RAB11A: variants seen among roughly 807,000 people sequenced by gnomAD.
The protein encoded by RAB11A is RAB11A, member RAS oncogene family, also known as ras-related protein Rab-11A.
In RAB11A, 9 loss-of-function variants were observed where a neutral mutation model predicts 28.0. The ratio of observed to expected loss-of-function variants is 0.32; its 90% confidence interval spans 0.19 to 0.56. RAB11A has a LOEUF of 0.56. Among genes scored for constraint, RAB11A ranks in the 20% least tolerant of loss-of-function variants. The pLI, the probability that RAB11A is intolerant of heterozygous loss-of-function variation, is 0.91. For synonymous variants in RAB11A, 85 were observed against 88.2 expected (o/e 0.96, Z 0.20); for missense variants, 108 against 269.6 (o/e 0.40, Z 4.20).
At chr15:65,886,310 A>G (rs1460027784) in intron 4 of RAB11A, among the ~76,000 whole-genome samples, 2 of 152,216 alleles carry the variant, frequency 1.3e-5, no homozygotes, top group African/African-American at 4.8e-5. Context: ...TTTAAATTTT[A>G]TTTAATTAAA....
Position 65,877,570 on chromosome 15 carries a change from C to T in RAB11A, c.236+43C>T, listed in dbSNP as rs147220650. On this transcript the variant is annotated intron_variant, in intron 2 of 4. Transcript: ENST00000261890. This position sits in a 1 kb window ranked among gnomAD's most constrained non-coding sequence, Gnocchi z 4.1. The stretch of plus-strand genomic sequence containing the variant: ...TAAGTTCTGTGAAATGGGTTGCCAT[C>T]GAGTGAATTAGCTGACTTTTGGTAT... 450 of 1,558,516 alleles carry T rather than the reference C, an allele frequency of 2.9e-4. 2 individuals carry two copies. The African/African-American group carries it at 5.3e-3, about 18-fold the overall frequency.
chr15:65,886,532 G>C (rs1276704811), intron 4 of RAB11A, among the ~76,000 whole-genome samples: 1 of 152,078 alleles, frequency 6.6e-6, no homozygotes, highest in Non-Finnish European at 1.5e-5. Context: ...GAATTATCTT[G>C]CTTTTTGAGA....
Position 65,869,572 on chromosome 15 carries a change from T to A in RAB11A, c.-14T>A, listed in dbSNP as rs1195767218. 6.2e-7 allele frequency: 1 copy of A among 1,610,208 alleles called. No homozygotes were observed. Among genetic ancestry groups the A allele is most frequent in the Non-Finnish European group, 8.5e-7 (1 of 1,179,792 alleles). On this transcript the variant is annotated 5_prime_UTR_variant, in exon 1 of 5. Coordinates refer to ENST00000261890, the MANE Select transcript of RAB11A (RefSeq NM_004663.5). ...ACCACTGCTGCTCCCGCCCTTTCGC[T>A]CCTCGGCCGCGCAATGGGCACCCGC...
Position 65,887,646 on chromosome 15 carries a change from C to G in RAB11A, c.512-55C>G, listed in dbSNP as rs151185221. On this transcript the variant is annotated intron_variant, in intron 4 of 4. Coordinates refer to ENST00000261890, the MANE Select transcript of RAB11A (RefSeq NM_004663.5). ...TCTCCTACCTTTATGTATCTTTTAT[C>G]CTAACTATGATAGGTTTATTCACAC... The G allele has an allele frequency of 1.5e-4, 217 of 1,489,784 alleles. No homozygotes were observed. The African/African-American group carries it at 2.9e-3, about 20-fold the overall frequency. The allele number at this position is 1,489,784 out of a possible 1,614,324, so 92.3% of individuals were successfully genotyped here. A position where few individuals can be genotyped will look rare whatever the true frequency, so the allele number is the denominator to read the frequency against.
At position 65,870,729 on chromosome 15, in the gene RAB11A, G is replaced by A. The variant is rs189369511; in HGVS notation, c.40+1104G>A. Among the ~76,000 whole-genome samples, 13 of 152,344 alleles carry A rather than the reference G, an allele frequency of 8.5e-5. No homozygotes were observed. In the East Asian group the frequency reaches 2.5e-3, roughly 29 times the overall value. ...TTTCCCAAAAGGTTGGGGGTGGGAGGAAGTTGTGTGCTCTTTTGGTTACAT... is the reference window on the plus strand; with the variant it reads ...TTTCCCAAAAGGTTGGGGGTGGGAGAAAGTTGTGTGCTCTTTTGGTTACAT... On this transcript the variant is annotated intron_variant, in intron 1 of 4. Transcript: ENST00000261890.
intron 1 of RAB11A, among the ~76,000 whole-genome samples, chr15:65,875,008 G>A (rs938889955): frequency 2.6e-5 from 4 of 152,030 alleles, no homozygotes; most frequent in African/African-American, 4.8e-5. Flanking sequence ...TGCTTGTGCC[G>A]TGGCACTCCA....
At chr15:65,885,032 C>CCTCACTG (rs2078247081) in intron 4 of RAB11A, among the ~76,000 whole-genome samples, 1 of 147,672 alleles carries the variant, frequency 6.8e-6, no homozygotes, top group Non-Finnish European at 1.5e-5. Flanking sequence ...GCAGTCTCAA[C>CCTCACTG]CTCACTGCTC....
chr15:65,875,945 G>A (rs1253025958), intron 1 of RAB11A, among the ~76,000 whole-genome samples: 2 of 152,208 alleles, frequency 1.3e-5, no homozygotes, highest in Admixed American at 6.5e-5. Flanking sequence ...ATAAGAAGAA[G>A]TCTTAGTAGT....
Position 65,888,836 on chromosome 15 carries a change from T to C in RAB11A, c.*996T>C, listed in dbSNP as rs1346211212. ...TTTTGCAGTATATTATAGAATATAG[T>C]CCAGTTAAATCTTTGGTTTCAGTAT... is the stretch of plus-strand genomic sequence containing the variant. On this transcript the variant is annotated 3_prime_UTR_variant, in exon 5 of 5. Coordinates refer to ENST00000261890, the MANE Select transcript of RAB11A (RefSeq NM_004663.5). The C allele has an allele frequency of 6.6e-6, 1 of 152,512 alleles. No homozygotes were observed. The highest frequency in any genetic ancestry group is 6.5e-5 in the Admixed American group (1 of 15,280). 9.4% of individuals were successfully genotyped at this position (152,512 alleles called of 1,614,324 possible).
In RAB11A at chr15:65,869,494, T is replaced by G; in HGVS notation, c.-92T>G. The G allele has an allele frequency of 2.0e-6, 3 of 1,533,446 alleles. No individual in the cohort carries two copies. The highest frequency in any genetic ancestry group is 2.4e-5 in the South Asian group (2 of 83,428). The allele number at this position is 1,533,446 out of a possible 1,614,324, so 95.0% of individuals were successfully genotyped here. On this transcript the variant is annotated 5_prime_UTR_variant, in exon 1 of 5. Coordinates refer to ENST00000261890, the MANE Select transcript of RAB11A (RefSeq NM_004663.5). The stretch of plus-strand genomic sequence containing the variant: ...GGGGCTCTTCACCCAGTCCGGCAGT[T>G]GAAGCTCGGCGCTCGGGTTACCCCT...
rs946950756 is a variant in RAB11A, at chr15:65,888,947, G to A, written c.*1107G>A. ...TTCTTTTAGTATGTAAAATGAAATA[G>A]TACCTTGAGTTTAAATAGAATGCAT... On this transcript the variant is annotated 3_prime_UTR_variant, in exon 5 of 5. Coordinates refer to ENST00000261890, the MANE Select transcript of RAB11A (RefSeq NM_004663.5). 10 of 152,622 alleles carry A rather than the reference G, an allele frequency of 6.6e-5. No homozygotes were observed. Among genetic ancestry groups the A allele is most frequent in the Admixed American group, 6.5e-4 (10 of 15,280 alleles). 9.5% of individuals were successfully genotyped at this position (152,622 alleles called of 1,614,324 possible). A position where few individuals can be genotyped will look rare whatever the true frequency, so the allele number is the denominator to read the frequency against.
Position 65,877,511 on chromosome 15 carries a change from C to T in RAB11A, c.220C>T (p.Arg74Ter). 2.5e-6 allele frequency: 4 copies of T among 1,613,966 alleles called. No individual in the cohort carries two copies. Among genetic ancestry groups the T allele is most frequent in the East Asian group, 2.2e-5 (1 of 44,882 alleles). Residue 74 changes from arginine (R) to a stop codon, truncating the protein, a stop_gained, in exon 2 of 5, where the codon CGA becomes TGA. Coordinates refer to ENST00000261890, the MANE Select transcript of RAB11A (RefSeq NM_004663.5). LOFTEE classifies it high-confidence loss of function. This position sits in a 1 kb window ranked among gnomAD's most constrained non-coding sequence, Gnocchi z 4.1. ...GGACACAGCAGGGCAAGAGCGATAT[C>T]GAGCTATAACATCAGCGTAAGTCTC... Reference protein sequence around the residue: ...IWDTAGQERYRAITSAYYRGA... With the variant: ...IWDTAGQERY
chr15:65,869,984 C>A (rs1452205834), intron 1 of RAB11A: 6 of 208,428 alleles, frequency 2.9e-5, no homozygotes, highest in Non-Finnish European at 1.9e-5. Context: ...CCCCCTCCCC[C>A]TCGGCGTACA....
chr15:65,880,702 G>C (rs2078216750), intron 4 of RAB11A, among the ~76,000 whole-genome samples: 1 of 152,078 alleles, frequency 6.6e-6, no homozygotes, highest in African/African-American at 2.4e-5. Flanking sequence ...TTAAGATTTG[G>C]AAGCCTGACT....
In RAB11A at chr15:65,869,665, C is replaced by T. The variant is rs1028352273; in HGVS notation, c.40+40C>T. On this transcript the variant is annotated intron_variant, in intron 1 of 4. Transcript: ENST00000261890. ...TCTCGCACTCTACACAGTCCTCGTT[C>T]GGGGACCCGGGCCACTCCCGGTGGA... The T allele has an allele frequency of 3.8e-6, 6 of 1,588,856 alleles. No individual in the cohort carries two copies. The East Asian group carries it at 9.0e-5, about 24-fold the overall frequency.
intron 1 of RAB11A, among the ~76,000 whole-genome samples, chr15:65,871,397 G>A (rs1451755986): frequency 6.6e-6 from 1 of 152,172 alleles, no homozygotes; most frequent in African/African-American, 2.4e-5. Context: ...TTTGCCGAAG[G>A]TATCTGAGAT....
intron 3 of RAB11A, 28 bp from the exon 4 acceptor site, chr15:65,879,643 A>G (rs1420300597): frequency 6.6e-7 from 1 of 1,521,808 alleles, no homozygotes; most frequent in Non-Finnish European, 9.1e-7. Context: ...AAAACTTAAC[A>G]AGACTGAACT....
chr15:65,869,702 G>C (rs1282978987), intron 1 of RAB11A, 77 bp downstream of exon 1: 1 of 1,488,020 alleles, frequency 6.7e-7, no homozygotes, highest in Non-Finnish European at 9.3e-7. Context: ...CCTCGTGCCG[G>C]CCACCCCTGC....
intron 3 of RAB11A, 31 bp from the exon 4 acceptor site, chr15:65,879,639 TA>T: frequency 6.6e-7 from 1 of 1,511,908 alleles, no homozygotes; most frequent in Admixed American, 1.8e-5. Flanking sequence ...TTTTAAAACT[TA>T]ACAAGACTGA....
Sources: gnomAD v4.1 joint callset for allele counts (sites outside exome capture counted in the v4.1 genomes callset) on GRCh38, gnomAD v4.1.1 for gene constraint, Gnocchi (gnomAD v3.1) non-coding constraint, MANE v1.5 for transcripts, NCBI Gene and HGNC (gene_info 2026-07-23, HGNC 2026-07-21) for gene names.